NLRP2: variants seen among roughly 807,000 people sequenced by gnomAD.
NLRP2 encodes NACHT, LRR and PYD domains-containing protein 2.
A neutral mutation model predicts 97.2 loss-of-function variants in NLRP2; 107 were observed. That is an observed-to-expected ratio of 1.10 (90% CI 0.94 to 1.29). NLRP2 has a LOEUF of 1.29. Among genes scored for constraint, NLRP2 ranks in the 50% most tolerant of loss-of-function variants. NLRP2 has a pLI of 0.00. For synonymous variants in NLRP2, 663 were observed against 551.5 expected (o/e 1.20, Z -2.83); for missense variants, 1,495 against 1,330.3 (o/e 1.12, Z -1.93).
In NLRP2 at chr19:54,982,907, C is replaced by T. The variant is rs199475715; in HGVS notation, c.1209C>T (p.Ile403=). The T allele has an allele frequency of 2.8e-4, 457 of 1,612,114 alleles. No homozygotes were observed. Among genetic ancestry groups the T allele is most frequent in the Middle Eastern group, 1.5e-3 (8 of 5,306 alleles). The change falls in exon 6 of 13, where the codon ATC becomes ATT. Residue 403 remains isoleucine (I), a synonymous_variant. Transcript: ENST00000448584. The part of the protein sequence containing the change: ...QLGSAPAVCW[I]VCTTLKLQME... ...GCTCGGCCCCCGCGGTGTGCTGGAT[C>T]GTGTGCACGACTCTGAAGCTGCAGA...
chr19:54,984,329 G>GTGTGTGTTTTTTTTTTT, intron 6 of NLRP2, among the ~76,000 whole-genome samples: 13 of 79,676 alleles, frequency 1.6e-4, no homozygotes, highest in African/African-American at 4.6e-4. Context: ...TTTTTTTTGT[G>GTGTGTGTTTTTTTTTTT]TTTTTTTTTT....
chr19:54,987,911 C>T (rs558633885), intron 8 of NLRP2, among the ~76,000 whole-genome samples: 1 of 152,100 alleles, frequency 6.6e-6, no homozygotes, highest in African/African-American at 2.4e-5. Flanking sequence ...GGCATGGTGG[C>T]GCGTGCCTGT....
chr19:54,985,338 G>C, intron 7 of NLRP2, 121 bp downstream of exon 7: 3 of 914,986 alleles, frequency 3.3e-6, no homozygotes, highest in Non-Finnish European at 1.8e-6. Flanking sequence ...ACAGGGAATT[G>C]AGAGAGTCCT....
In NLRP2 at chr19:54,990,036, C is replaced by G. The variant is rs774348072; in HGVS notation, c.2381C>G (p.Ser794Cys). Residue 794 changes from serine to cysteine, a missense_variant, in exon 9 of 13, where the codon TCC becomes TGC. Transcript: ENST00000448584. ...NLRYLGLVSC[S>C]ATTQQWADLS... Reference sequence around the variant, plus strand: ...TTCTCCCACAGGTTGGTGTCTTGTTCCGCTACCACTCAGCAGTGGGCTGAT... The same window carrying G: ...TTCTCCCACAGGTTGGTGTCTTGTTGCGCTACCACTCAGCAGTGGGCTGAT... 1.2e-6 allele frequency: 2 copies of G among 1,613,812 alleles called. No individual in the cohort carries two copies. Among genetic ancestry groups the G allele is most frequent in the East Asian group, 4.5e-5 (2 of 44,862 alleles).
At chr19:54,979,582 C>G (rs1023908409) in intron 4 of NLRP2, among the ~76,000 whole-genome samples, 3 of 151,964 alleles carry the variant, frequency 2.0e-5, no homozygotes, top group Non-Finnish European at 2.9e-5. Flanking sequence ...AACTCCTGAC[C>G]TCAGGTGATC....
chr19:54,988,514 T>A (rs2146489337), intron 8 of NLRP2, among the ~76,000 whole-genome samples: 1 of 152,126 alleles, frequency 6.6e-6, no homozygotes, highest in Admixed American at 6.6e-5. Context: ...GTGGCCAGGG[T>A]GGTCTCAAAC....
At chr19:54,986,973 C>T (rs539223017) in intron 8 of NLRP2, among the ~76,000 whole-genome samples, 1 of 152,218 alleles carries the variant, frequency 6.6e-6, no homozygotes, top group African/African-American at 2.4e-5. Flanking sequence ...CAGCCTCCAC[C>T]TCCCAGGTTC....
chr19:54,988,887 G>C (rs62124645), intron 8 of NLRP2, among the ~76,000 whole-genome samples: 5 of 152,042 alleles, frequency 3.3e-5, no homozygotes, highest in Non-Finnish European at 7.4e-5. Context: ...ATAGGTTAGT[G>C]GGCTGGGTAT....
chr19:54,966,632 G>T (rs1452184044), intron 1 of NLRP2, among the ~76,000 whole-genome samples, 165 bp downstream of exon 1: 1 of 151,304 alleles, frequency 6.6e-6, no homozygotes, highest in African/African-American at 2.4e-5. Context: ...TGCAAGCTCC[G>T]CCTCCCGGGT....
intron 2 of NLRP2, among the ~76,000 whole-genome samples, chr19:54,971,850 A>G (rs1227293491): frequency 6.6e-6 from 1 of 152,104 alleles, no homozygotes; most frequent in East Asian, 1.9e-4. Context: ...TCTTCTTGAG[A>G]GAGGATCTCA....
intron 2 of NLRP2, among the ~76,000 whole-genome samples, chr19:54,971,962 G>A (rs7508362): frequency 0.03 from 4,489 of 150,574 alleles, 229 homozygotes; most frequent in African/African-American, 0.1. Context: ...CCGAGTAGCC[G>A]GGATTACAAG....
At position 55,000,830 on chromosome 19, in the gene NLRP2, C is replaced by CG; in HGVS notation, c.3121_3122insG (p.Leu1041ArgfsTer4). On this transcript the variant is annotated frameshift_variant, in exon 13 of 13. Transcript: ENST00000448584. LOFTEE classifies it low-confidence loss of function (END_TRUNC). ...AGAAATAGAAGAAAAAAACCCACAA[C>CG]TGATTATTGATACTGAGAAACATCA... 6.2e-7 allele frequency: 1 copy of CG among 1,613,360 alleles called. No homozygotes were observed. Among genetic ancestry groups the CG allele is most frequent in the Non-Finnish European group, 8.5e-7 (1 of 1,179,326 alleles).
intron 8 of NLRP2, 104 bp from the exon 9 acceptor site, chr19:54,989,918 G>GA (rs2072344439): frequency 1.6e-6 from 2 of 1,221,300 alleles, no homozygotes; most frequent in Non-Finnish European, 2.4e-6. Context: ...TTGAACCCAG[G>GA]AGGCGGAGGT....
At chr19:54,984,338 T>G (rs1219674563) in intron 6 of NLRP2, among the ~76,000 whole-genome samples, 19 of 116,798 alleles carry the variant, frequency 1.6e-4, no homozygotes, top group South Asian at 6.3e-4. Flanking sequence ...TGTTTTTTTT[T>G]TTTTTTTTTT....
chr19:54,984,717 A>G (rs2071934308), intron 6 of NLRP2, among the ~76,000 whole-genome samples: 3 of 151,876 alleles, frequency 2.0e-5, no homozygotes, highest in South Asian at 4.1e-4. Flanking sequence ...TCCCGACCTC[A>G]GGTGATCCAC....
In NLRP2 at chr19:54,982,771, G is replaced by T. The variant is rs145871372; in HGVS notation, c.1073G>T (p.Gly358Val). Reference protein sequence around the residue: ...AEEPIYIRVEGFLEEDRRAYF... With the variant: ...AEEPIYIRVEVFLEEDRRAYF... ...GAGCCGATCTACATAAGGGTGGAGG[G>T]CTTCCTGGAGGAGGACAGGAGGGCC... Residue 358 changes from glycine (G) to valine (V), a missense_variant, in exon 6 of 13, where the codon GGC becomes GTC. By Grantham distance (109) the Gly-to-Val change is moderately radical (BLOSUM62 -3). Coordinates refer to ENST00000448584, the MANE Select transcript of NLRP2 (RefSeq NM_017852.5). 474 of 1,614,164 alleles carry T rather than the reference G, an allele frequency of 2.9e-4. No individual in the cohort carries two copies. The highest frequency in any genetic ancestry group is 3.8e-4 in the Non-Finnish European group (449 of 1,180,024).
chr19:54,975,537 C>T (rs140322684), intron 3 of NLRP2, among the ~76,000 whole-genome samples: 6,488 of 135,908 alleles, frequency 0.048, 1,053 homozygotes, highest in African/African-American at 0.18. Flanking sequence ...CTGCAAGCTC[C>T]GCCTCCCGGG....
chr19:54,969,997 A>C lies in NLRP2; in HGVS notation c.-17-2A>C. 1 of 1,612,604 alleles carries C rather than the reference A, an allele frequency of 6.2e-7. No homozygotes were observed. The highest frequency in any genetic ancestry group is 8.5e-7 in the Non-Finnish European group (1 of 1,179,896). ...CCACTCCTCCCTTGATTGTCATCAC[A>C]GCTCCCACGTGGGACAAGATGGTGT... On this transcript the variant is annotated splice_acceptor_variant, in intron 1 of 12. Coordinates refer to ENST00000448584, the MANE Select transcript of NLRP2 (RefSeq NM_017852.5). LOFTEE classifies it low-confidence loss of function (5UTR_SPLICE).
At chr19:54,968,786 C>A (rs1163622713) in intron 1 of NLRP2, among the ~76,000 whole-genome samples, 2 of 150,336 alleles carry the variant, frequency 1.3e-5, no homozygotes, top group Non-Finnish European at 3.0e-5. Context: ...ACCTCTGCCT[C>A]CCACTCCCAG....
Sources: gnomAD v4.1 joint callset for allele counts (sites outside exome capture counted in the v4.1 genomes callset) on GRCh38, gnomAD v4.1.1 for gene constraint, MANE v1.5 for transcripts, NCBI Gene and HGNC (gene_info 2026-07-23, HGNC 2026-07-21) for gene names.